Variants in CCDC178 observed in about 807,000 individuals in gnomAD.
The protein encoded by CCDC178 is coiled-coil domain containing 178.
In CCDC178, 126 loss-of-function variants were observed where a neutral mutation model predicts 117.4. The ratio of observed to expected loss-of-function variants is 1.07; its 90% CI spans 0.93 to 1.24. The LOEUF is 1.24. Ranked by LOEUF, CCDC178 falls within the 50% of genes most tolerant of loss-of-function variation. The pLI is 0.00. For missense variants in CCDC178, 1,030 were observed against 986.9 expected (o/e 1.04, Z -0.59); for synonymous variants, 283 against 313.4 (o/e 0.90, Z 1.02).
intron 20 of CCDC178, among the ~76,000 whole-genome samples, chr18:33,093,902 C>A (rs2057504516): frequency 6.6e-6 from 1 of 151,826 alleles, no homozygotes; most frequent in Admixed American, 6.6e-5. Flanking sequence ...AATGATGATT[C>A]AATAACTAGA....
chr18:33,107,931 T>C (rs917658333), intron 20 of CCDC178, among the ~76,000 whole-genome samples: 1 of 151,718 alleles, frequency 6.6e-6, no homozygotes, highest in East Asian at 1.9e-4. Context: ...TTTGTACCTC[T>C]GCATTTGTGA....
chr18:33,172,559 C>T (rs886840784), intron 20 of CCDC178, among the ~76,000 whole-genome samples: 1 of 151,940 alleles, frequency 6.6e-6, no homozygotes, highest in Non-Finnish European at 1.5e-5. Flanking sequence ...ATTTCCTAAC[C>T]GTTAAAACCT....
intron 9 of CCDC178, among the ~76,000 whole-genome samples, chr18:33,341,921 G>T (rs2062821866): frequency 6.6e-6 from 1 of 151,794 alleles, no homozygotes; most frequent in African/African-American, 2.4e-5. Context: ...AGTTTGGCAT[G>T]GATTAAAAAA....
At position 33,405,719 on chromosome 18, in the gene CCDC178, C is replaced by T. The variant is rs888730152; in HGVS notation, c.58+6312G>A. 4.6e-5 allele frequency among the ~76,000 whole-genome samples: 7 copies of T among 151,844 alleles called. No individual in the cohort carries two copies. The East Asian group carries it at 5.8e-4, about 13-fold the overall frequency. ...CCACTAGAAAGTAGATGTAGTACAA[C>T]AAAAATGAAGGGAGAAATTTGGCAT... On this transcript the variant is annotated intron_variant, in intron 3 of 22. Coordinates refer to ENST00000383096, the MANE Select transcript of CCDC178 (RefSeq NM_001105528.4).
chr18:33,012,328 T>C (rs2055887444), intron 21 of CCDC178, among the ~76,000 whole-genome samples: 1 of 152,226 alleles, frequency 6.6e-6, no homozygotes, highest in South Asian at 2.1e-4. Flanking sequence ...TATTCCCATA[T>C]ATCAGGCTTT....
intron 5 of CCDC178, among the ~76,000 whole-genome samples, chr18:33,373,783 T>C (rs2063331444): frequency 6.6e-6 from 1 of 152,190 alleles, no homozygotes. Flanking sequence ...TCCTCTATCA[T>C]TTTTTAAACT....
intron 20 of CCDC178, among the ~76,000 whole-genome samples, chr18:33,137,131 T>C (rs1019355443): frequency 5.6e-4 from 85 of 152,296 alleles, no homozygotes; most frequent in African/African-American, 2.0e-3. Flanking sequence ...GTTTGAAATA[T>C]TCCTACTTCC....
chr18:33,337,943 C>A (rs764492411), intron 9 of CCDC178, among the ~76,000 whole-genome samples: 1 of 152,006 alleles, frequency 6.6e-6, no homozygotes, highest in Non-Finnish European at 1.5e-5. Context: ...TTCTGCTCAG[C>A]AAAAGAAATA....
chr18:33,398,073 A>G (rs1404811324), intron 3 of CCDC178, among the ~76,000 whole-genome samples: 1 of 152,096 alleles, frequency 6.6e-6, no homozygotes, highest in Non-Finnish European at 1.5e-5. Context: ...AATTTTAAAA[A>G]TGAGCAATAA....
intron 20 of CCDC178, among the ~76,000 whole-genome samples, chr18:33,157,206 C>A (rs1471047920): frequency 1.3e-5 from 2 of 152,144 alleles, no homozygotes; most frequent in Non-Finnish European, 2.9e-5. Context: ...TTTTTAATAT[C>A]TGTGATTGAT....
At chr18:33,323,364 C>T in intron 11 of CCDC178, 127 bp downstream of exon 11, 1 of 464,550 alleles carries the variant, frequency 2.2e-6, no homozygotes, top group South Asian at 9.7e-5. Context: ...GGTGATAAGA[C>T]AGGTATGAAT....
chr18:33,439,080 A>G (rs1030433226), intron 2 of CCDC178, among the ~76,000 whole-genome samples: 1 of 152,372 alleles, frequency 6.6e-6, no homozygotes, highest in Non-Finnish European at 1.5e-5. Context: ...GAGGTCAAGA[A>G]GAATTCATCG....
intron 5 of CCDC178, among the ~76,000 whole-genome samples, chr18:33,370,835 T>G (rs1470278508): frequency 6.6e-6 from 1 of 152,066 alleles, no homozygotes; most frequent in Non-Finnish European, 1.5e-5. Flanking sequence ...GCCTCAGTGA[T>G]TCTAATCCTA....
At chr18:33,416,067 G>C (rs571341414) in intron 2 of CCDC178, among the ~76,000 whole-genome samples, 31 of 152,344 alleles carry the variant, frequency 2.0e-4, no homozygotes, top group South Asian at 1.0e-3. Context: ...GACCAGGAAA[G>C]GGGCGGCTTA....
chr18:33,076,947 G>A (rs954830810), intron 21 of CCDC178, among the ~76,000 whole-genome samples: 9 of 152,102 alleles, frequency 5.9e-5, no homozygotes, highest in African/African-American at 2.2e-4. Flanking sequence ...AATGGGAGTG[G>A]ATTTTAAAGT....
chr18:33,347,210 T>C (rs1389562556), intron 8 of CCDC178, among the ~76,000 whole-genome samples: 1 of 152,020 alleles, frequency 6.6e-6, no homozygotes, highest in Non-Finnish European at 1.5e-5. Flanking sequence ...AAATACAAAG[T>C]GTTAAGAAAT....
At chr18:33,313,240 A>G (rs757033204) in intron 11 of CCDC178, among the ~76,000 whole-genome samples, 10 of 152,216 alleles carry the variant, frequency 6.6e-5, no homozygotes, top group Non-Finnish European at 1.2e-4. Flanking sequence ...AGGTAAAAAA[A>G]TGGTGTTATT....
At chr18:33,040,900 C>T (rs574628879) in intron 21 of CCDC178, among the ~76,000 whole-genome samples, 17 of 151,824 alleles carry the variant, frequency 1.1e-4, no homozygotes, top group African/African-American at 2.4e-4. Context: ...TAGTGAGCAT[C>T]GAGTATATGC....
intron 14 of CCDC178, among the ~76,000 whole-genome samples, chr18:33,250,932 G>T (rs1338565864): frequency 6.6e-6 from 1 of 151,372 alleles, no homozygotes; most frequent in Non-Finnish European, 1.5e-5. Flanking sequence ...TATTTACAAA[G>T]AAATTATATC....
Sources: gnomAD v4.1 joint callset for allele counts (sites outside exome capture counted in the v4.1 genomes callset) on GRCh38, gnomAD v4.1.1 for gene constraint, MANE v1.5 for transcripts, NCBI Gene and HGNC (gene_info 2026-07-23, HGNC 2026-07-21) for gene names.